Variants in RTN4 observed in about 807,000 individuals in gnomAD.
RTN4 encodes reticulon-4.
In RTN4, 32 loss-of-function variants were observed where a neutral mutation model predicts 90.4. That is an observed-to-expected ratio of 0.35 (90% CI 0.27 to 0.48). The LOEUF (loss-of-function observed/expected upper bound fraction) is 0.48, where lower values mean the gene tolerates loss of function less well. RTN4 is among the 20% of genes least tolerant of loss of function. The pLI is 0.99. For missense variants in RTN4, 1,706 were observed against 1,430.2 expected, an observed-to-expected ratio of 1.19 and a Z score of -3.11; for synonymous variants, 629 against 552.5, an observed-to-expected ratio of 1.14 and a Z score of -1.94.
chr2:55,051,898 A>C (rs1291696195), upstream of RTN4, among the ~76,000 whole-genome samples: 1 of 151,694 alleles, frequency 6.6e-6, no homozygotes, highest in African/African-American at 2.4e-5. Flanking sequence ...AGTTTTTTAA[A>C]TACATAATGG....
At position 54,977,593 on chromosome 2, in the gene RTN4, G is replaced by C. The variant is rs190686822; in HGVS notation, c.3361-2829C>G. ...CAAAAGACAGGAACCTGCTAAGAAGGCTCAGTCAGACTCAATTAGCCCAAA... is the reference window on the plus strand; with the variant it reads ...CAAAAGACAGGAACCTGCTAAGAAGCCTCAGTCAGACTCAATTAGCCCAAA... On this transcript the variant is annotated intron_variant, in intron 5 of 8. Transcript: ENST00000337526. Among the ~76,000 whole-genome samples the C allele has an allele frequency of 1.4e-4, 22 of 152,204 alleles. No homozygotes were observed. In the East Asian group the frequency reaches 2.3e-3, roughly 16 times the overall value.
At chr2:55,129,293 G>A in the RTN4 span, among the ~76,000 whole-genome samples, 1 of 151,922 alleles carries the variant, frequency 6.6e-6, no homozygotes, top group African/African-American at 2.4e-5. Context: ...GCAACCATTA[G>A]TCTGGGCCAG....
chr2:55,111,194 T>C lies in RTN4; in HGVS notation c.-214+1326A>G, dbSNP rs566850626. On this transcript the variant is annotated intron_variant, in intron 1 of 3. Transcript: ENST00000427710. ...AATTTGCTAGCTGCAAAGTTGCTTT[T>C]TATTTTCCAATAATTCTTGAGGGAT... is the stretch of plus-strand genomic sequence containing the variant. Among the ~76,000 whole-genome samples the C allele has an allele frequency of 6.0e-3, 920 of 152,338 alleles. 5 individuals carry two copies. The highest frequency in any genetic ancestry group is 0.011 in the Non-Finnish European group (732 of 68,034).
intron 1 of RTN4, among the ~76,000 whole-genome samples, chr2:55,091,214 A>G (rs1445832687): frequency 6.6e-6 from 1 of 152,020 alleles, no homozygotes; most frequent in African/African-American, 2.4e-5. Flanking sequence ...ATGGCTTCCC[A>G]TTGCAATCCA....
At chr2:55,004,985 A>C (rs894298980) in intron 3 of RTN4, among the ~76,000 whole-genome samples, 31 of 152,076 alleles carry the variant, frequency 2.0e-4, no homozygotes, top group African/African-American at 7.2e-4. Flanking sequence ...AGCAAAATGA[A>C]ATGGGAAGAA....
rs200715212 is a variant in RTN4 at position 55,027,243 on chromosome 2, C to G, written c.856G>C (p.Asp286His). The G allele has an allele frequency of 2.0e-5, 32 of 1,613,736 alleles. No homozygotes were observed. The South Asian group carries it at 3.2e-4, about 16-fold the overall frequency. Residue 286 changes from aspartate (D) to histidine (H), a missense_variant, in exon 3 of 9, where the codon GAT becomes CAT. Physicochemically the swap from Asp to His is moderately conservative, Grantham distance 81 (BLOSUM62 -1). Transcript: ENST00000337526. Reference protein sequence around the residue: ...VSEKAKTLLIDRDLTEFSELE... With the variant: ...VSEKAKTLLIHRDLTEFSELE... ...TCTGAAAACTCTGTTAAATCTCTAT[C>G]TATGAGTAGAGTTTTTGCCTTCTCT... is the stretch of plus-strand genomic sequence containing the variant.
chr2:55,110,310 CAAAAAAA>C (rs11289091), intron 1 of RTN4, among the ~76,000 whole-genome samples: 1 of 96,252 alleles, frequency 1.0e-5, no homozygotes, highest in Non-Finnish European at 2.1e-5. Flanking sequence ...GACCCTGTCT[CAAAAAAA>C]AAAAAAAAAA....
chr2:54,977,739 A>G (rs577071086), intron 5 of RTN4, among the ~76,000 whole-genome samples: 14 of 152,184 alleles, frequency 9.2e-5, no homozygotes, highest in Non-Finnish European at 1.8e-4. Flanking sequence ...TTGCCATACT[A>G]TTTGACTAGG....
At chr2:55,131,213 T>TG in the RTN4 span, among the ~76,000 whole-genome samples, 2 of 135,296 alleles carry the variant, frequency 1.5e-5, no homozygotes, top group South Asian at 2.5e-4. Flanking sequence ...GTTTGTTTTT[T>TG]GGGTTTTTTT....
intron 1 of RTN4, among the ~76,000 whole-genome samples, chr2:55,042,760 C>T (rs1270883697): frequency 6.6e-6 from 1 of 152,158 alleles, no homozygotes; most frequent in East Asian, 1.9e-4. Flanking sequence ...TCTCATTCAA[C>T]AAACTGAGTG....
intron 2 of RTN4, among the ~76,000 whole-genome samples, chr2:55,069,046 G>T (rs990947593): frequency 1.3e-5 from 2 of 152,224 alleles, no homozygotes; most frequent in Non-Finnish European, 2.9e-5. Flanking sequence ...GTGGCACAAG[G>T]GGTGGGGAGA....
At chr2:55,083,097 T>C (rs1255110792) in intron 1 of RTN4, among the ~76,000 whole-genome samples, 2 of 152,216 alleles carry the variant, frequency 1.3e-5, no homozygotes, top group Admixed American at 6.5e-5. Context: ...GAGGAATGAG[T>C]ACATAAGTTA....
intron 2 of RTN4, among the ~76,000 whole-genome samples, chr2:55,073,733 T>TA (rs1668553374): frequency 6.6e-6 from 1 of 152,268 alleles, no homozygotes; most frequent in African/African-American, 2.4e-5. Flanking sequence ...TTCTATGCAC[T>TA]GAAAATTTCA....
Position 55,109,979 on chromosome 2 carries a change from G to A in RTN4, c.-214+2541C>T, listed in dbSNP as rs376050168. On this transcript the variant is annotated intron_variant, in intron 1 of 3. Coordinates refer to the RTN4 transcript ENST00000427710. Reference sequence around the variant, plus strand: ...TTCAGAAGTGGTAAGAAAAATAAGGGAAGGATGATAAATAGTGAAAGGAAC... The same window carrying A: ...TTCAGAAGTGGTAAGAAAAATAAGGAAAGGATGATAAATAGTGAAAGGAAC... Among the ~76,000 whole-genome samples, 9 of 152,240 alleles carry A rather than the reference G, an allele frequency of 5.9e-5. No individual in the cohort carries two copies. The East Asian group carries it at 7.7e-4, about 13-fold the overall frequency.
At position 55,049,586 on chromosome 2, in the gene RTN4, T is replaced by C. The variant is rs778643853; in HGVS notation, c.556+159A>G. 9 of 1,229,016 alleles carry C rather than the reference T, an allele frequency of 7.3e-6. No individual in the cohort carries two copies. The South Asian group carries it at 1.2e-4, about 16-fold the overall frequency. The allele number at this position is 1,229,016 out of a possible 1,614,324, so 76.1% of individuals were successfully genotyped here. Reference sequence around the variant, plus strand: ...GGCTCCAAGGGCCGCCCCACCCTTCTCCCCGCGCTTCCAACCAGACGGGGC... The same window carrying C: ...GGCTCCAAGGGCCGCCCCACCCTTCCCCCCGCGCTTCCAACCAGACGGGGC... On this transcript the variant is annotated intron_variant, in intron 1 of 8. Transcript: ENST00000337526.
intron 1 of RTN4, among the ~76,000 whole-genome samples, chr2:55,045,370 G>C (rs984299347): frequency 1.3e-5 from 2 of 152,090 alleles, no homozygotes; most frequent in South Asian, 2.1e-4. Context: ...TAAAGAAAGC[G>C]TGCTTCTTAT....
chr2:55,098,378 T>G (rs1391121763), intron 1 of RTN4, among the ~76,000 whole-genome samples: 3 of 152,140 alleles, frequency 2.0e-5, no homozygotes, highest in Non-Finnish European at 4.4e-5. Flanking sequence ...AAACATTTTA[T>G]TATAATAATT....
At chr2:54,981,456 T>C (rs1260864347) in intron 5 of RTN4, among the ~76,000 whole-genome samples, 1 of 152,086 alleles carries the variant, frequency 6.6e-6, no homozygotes, top group African/African-American at 2.4e-5. Context: ...ATTATGAGAA[T>C]TACCACCACT....
At chr2:55,034,229 G>A (rs905598022) in intron 1 of RTN4, among the ~76,000 whole-genome samples, 7 of 152,172 alleles carry the variant, frequency 4.6e-5, no homozygotes, top group Admixed American at 1.3e-4. Flanking sequence ...AACCAGGCAT[G>A]GTGGCTCACA....
Sources: gnomAD v4.1 joint callset for allele counts (sites outside exome capture counted in the v4.1 genomes callset) on GRCh38, gnomAD v4.1.1 for gene constraint, MANE v1.5 for transcripts, NCBI Gene and HGNC (gene_info 2026-07-23, HGNC 2026-07-21) for gene names.